The following POU2F1 variants were observed in gnomAD, a reference collection of about 807,000 sequenced individuals.
The protein encoded by POU2F1 is POU domain, class 2, transcription factor 1.
POU2F1 carries 16 observed loss-of-function variants against 84.9 expected under a neutral mutation model. The ratio of observed to expected loss-of-function variants is 0.19; its 90% confidence interval spans 0.13 to 0.29. POU2F1 has a LOEUF of 0.29. POU2F1 is among the 10% of genes least tolerant of loss of function. POU2F1 has a pLI of 1.00. For synonymous variants in POU2F1, 368 were observed against 368.3 expected (o/e 1.00, Z 0.01); for missense variants, 738 against 942.6 (o/e 0.78, Z 2.84).
intron 1 of POU2F1, among the ~76,000 whole-genome samples, chr1:167,279,206 T>C (rs1230011964): frequency 6.6e-6 from 1 of 152,350 alleles, no homozygotes; most frequent in Non-Finnish European, 1.5e-5. Context: ...TGATGAGATA[T>C]AGCAAACGTG....
chr1:167,371,856 T>A, intron 4 of POU2F1, 61 bp from the exon 5 acceptor site: 1 of 1,599,372 alleles, frequency 6.3e-7, no homozygotes, highest in Non-Finnish European at 8.6e-7. Context: ...GATGGGGTTT[T>A]AAGTACATTT....
At chr1:167,384,733 GA>G (rs1376934028) in intron 8 of POU2F1, among the ~76,000 whole-genome samples, 1 of 150,570 alleles carries the variant, frequency 6.6e-6, no homozygotes, top group Non-Finnish European at 1.5e-5. Context: ...AAAAAGAAAA[GA>G]AAAAAACCAA....
At chr1:167,383,624 A>G in intron 7 of POU2F1, 1 of 364,476 alleles carries the variant, frequency 2.7e-6, no homozygotes, top group East Asian at 5.4e-5. Flanking sequence ...CACAGAGCTT[A>G]TTCAGATTAT....
chr1:167,361,890 G>C (rs1277422611), intron 2 of POU2F1, among the ~76,000 whole-genome samples: 2 of 152,088 alleles, frequency 1.3e-5, no homozygotes, highest in Non-Finnish European at 2.9e-5. Context: ...CACTAATCTT[G>C]AATGGTTTTT....
chr1:167,413,387 A>T (rs1436993421), intron 15 of POU2F1, among the ~76,000 whole-genome samples: 1 of 152,216 alleles, frequency 6.6e-6, no homozygotes, highest in Non-Finnish European at 1.5e-5. Flanking sequence ...CAGAACTTTC[A>T]TGCTAATATT....
intron 7 of POU2F1, among the ~76,000 whole-genome samples, chr1:167,382,365 G>C (rs1037301450): frequency 6.6e-6 from 1 of 152,188 alleles, no homozygotes; most frequent in African/African-American, 2.4e-5. Flanking sequence ...CAAGAGTCTT[G>C]TAGGCAAAGG....
intron 7 of POU2F1, chr1:167,383,417 T>G (rs1647715091): frequency 6.5e-6 from 1 of 153,776 alleles, no homozygotes; most frequent in Non-Finnish European, 1.4e-5. Flanking sequence ...CATTTCAACT[T>G]TATTATCACC....
rs115705486 is a variant in POU2F1, at chr1:167,255,847, G to T, written c.61+34889G>T. 5.1e-3 allele frequency among the ~76,000 whole-genome samples: 780 copies of T among 152,302 alleles called. 8 individuals are homozygous for T. The highest frequency in any genetic ancestry group is 0.018 in the African/African-American group (737 of 41,568). ...CCAAACATCAAGGTGAGGGTTTTAA[G>T]GGGATGATTAGGTTTTAAAAGAAGA... is the stretch of plus-strand genomic sequence containing the variant. On this transcript the variant is annotated intron_variant, in intron 1 of 15. Transcript: ENST00000367866.
chr1:167,357,867 T>C (rs1263088413), intron 2 of POU2F1, among the ~76,000 whole-genome samples: 3 of 146,626 alleles, frequency 2.0e-5, no homozygotes, highest in Admixed American at 6.8e-5. Context: ...GCAATGGCGC[T>C]ATCTCGGCTC....
chr1:167,375,472 T>G (rs1023203450), intron 6 of POU2F1, among the ~76,000 whole-genome samples: 20 of 152,198 alleles, frequency 1.3e-4, no homozygotes, highest in African/African-American at 4.3e-4. Context: ...CTATTGTTGT[T>G]AGGGATTAAA....
intron 1 of POU2F1, among the ~76,000 whole-genome samples, chr1:167,286,551 T>A (rs1653544373): frequency 6.6e-6 from 1 of 152,220 alleles, no homozygotes; most frequent in South Asian, 2.1e-4. Flanking sequence ...TATTTTCCTG[T>A]TGTAGCTAAA....
intron 3 of POU2F1, among the ~76,000 whole-genome samples, chr1:167,367,829 C>G (rs1659778643): frequency 6.6e-6 from 1 of 151,124 alleles, no homozygotes; most frequent in African/African-American, 2.4e-5. Context: ...TATTATGTTG[C>G]CCAGGTTGAT....
intron 1 of POU2F1, among the ~76,000 whole-genome samples, chr1:167,257,625 T>C (rs1051439666): frequency 3.9e-5 from 6 of 152,204 alleles, no homozygotes; most frequent in Non-Finnish European, 8.8e-5. Flanking sequence ...CTGTAAGTGA[T>C]TGCATTGTAG....
intron 1 of POU2F1, among the ~76,000 whole-genome samples, chr1:167,264,355 C>T (rs931437530): frequency 8.6e-5 from 13 of 151,890 alleles, no homozygotes; most frequent in Non-Finnish European, 1.8e-4. Context: ...GCACCAAGGC[C>T]CCCAAGTGGA....
chr1:167,358,451 G>A (rs948238446), intron 2 of POU2F1, among the ~76,000 whole-genome samples: 10 of 151,988 alleles, frequency 6.6e-5, no homozygotes, highest in Non-Finnish European at 1.0e-4. Context: ...CTCTGGAAAC[G>A]TTTGTGGAGG....
chr1:167,283,712 C>G (rs996790099), intron 1 of POU2F1, among the ~76,000 whole-genome samples: 2 of 152,118 alleles, frequency 1.3e-5, no homozygotes, highest in Non-Finnish European at 2.9e-5. Context: ...GAATGGTGTT[C>G]AAATTCCTGG....
chr1:167,315,650 T>TTG (rs1491339923), intron 1 of POU2F1, among the ~76,000 whole-genome samples: 2 of 151,618 alleles, frequency 1.3e-5, no homozygotes, highest in East Asian at 4.1e-4. Flanking sequence ...GTTTGTTTGT[T>TTG]TTTTAATTAG....
rs1054524706 is a variant in POU2F1, at chr1:167,379,056, T to G, written c.718+2901T>G. 2.6e-5 allele frequency: 4 copies of G among 151,960 alleles called. No individual in the cohort carries two copies. The East Asian group carries it at 5.8e-4, about 22-fold the overall frequency. 9.4% of individuals were successfully genotyped at this position (151,960 alleles called of 1,614,324 possible). On this transcript the variant is annotated intron_variant, in intron 7 of 15. Transcript: ENST00000367866. ...CTCCCACCTTAGCCTTCAAAGCAGC[T>G]GGGAGTACAGTGTGTACTACCTCAC...
chr1:167,245,085 T>TA (rs869292590), intron 1 of POU2F1, among the ~76,000 whole-genome samples: 1 of 152,148 alleles, frequency 6.6e-6, no homozygotes, highest in African/African-American at 2.4e-5. Flanking sequence ...TAAAACTTTT[T>TA]AAAAAAATCC....
Sources: allele counts gnomAD v4.1 joint callset (sites outside exome capture counted in the v4.1 genomes callset), GRCh38; gene constraint gnomAD v4.1.1; transcripts MANE v1.5; gene names NCBI Gene and HGNC (gene_info 2026-07-23, HGNC 2026-07-21).